NTRK2: variants seen among roughly 807,000 people sequenced by gnomAD.
NTRK2 encodes the protein neurotrophic receptor tyrosine kinase 2, also known as BDNF/NT-3 growth factors receptor.
Under a neutral mutation model 94.5 loss-of-function variants are expected in NTRK2, and 13 were observed. The ratio of observed to expected loss-of-function variants is 0.14; its 90% CI spans 0.09 to 0.22. NTRK2 has a LOEUF of 0.22. NTRK2 is among the 10% of genes least tolerant of loss of function. NTRK2 has a pLI of 1.00. For missense variants in NTRK2, 639 were observed against 1,071.2 expected, an observed-to-expected ratio of 0.60 and a Z score of 5.63; for synonymous variants, 372 against 407.4, an observed-to-expected ratio of 0.91 and a Z score of 1.05.
At chr9:84,862,210 G>C (rs1310982238) in intron 13 of NTRK2, among the ~76,000 whole-genome samples, 7 of 152,190 alleles carry the variant, frequency 4.6e-5, no homozygotes, top group Non-Finnish European at 1.0e-4. Flanking sequence ...AGGGCTTCTA[G>C]GCAGCTCCCT....
intron 10 of NTRK2, among the ~76,000 whole-genome samples, chr9:84,743,793 A>G (rs2063839873): frequency 6.6e-6 from 1 of 152,240 alleles, no homozygotes; most frequent in African/African-American, 2.4e-5. Flanking sequence ...ATGAAGAGGG[A>G]AAACTAAACA....
chr9:84,970,385 T>A (rs1037612950), intron 17 of NTRK2, among the ~76,000 whole-genome samples: 4 of 151,210 alleles, frequency 2.6e-5, no homozygotes, highest in Non-Finnish European at 5.9e-5. Context: ...AAATAAAAAA[T>A]AAATAAAAAT....
intron 12 of NTRK2, among the ~76,000 whole-genome samples, chr9:84,839,666 C>T (rs1483562139): frequency 2.6e-5 from 4 of 152,162 alleles, no homozygotes; most frequent in African/African-American, 7.2e-5. Flanking sequence ...GATTTCAGAG[C>T]CTCTAGCAGA....
intron 17 of NTRK2, among the ~76,000 whole-genome samples, chr9:84,968,362 T>G (rs1825801723): frequency 6.6e-6 from 1 of 152,182 alleles, no homozygotes; most frequent in African/African-American, 2.4e-5. Context: ...TCATAAAAGA[T>G]CCATCTAGGA....
At chr9:85,021,225 C>T in intron 18 of NTRK2, 27 bp from the exon 19 acceptor site, 2 of 1,608,208 alleles carry the variant, frequency 1.2e-6, no homozygotes, top group African/African-American at 2.7e-5. Flanking sequence ...TTCCTCCTGT[C>T]TCATCCTATC....
Position 84,783,397 on chromosome 9 carries a change from G to A in NTRK2, c.1396+31312G>A, listed in dbSNP as rs113518456. Among the ~76,000 whole-genome samples, 1,228 of 152,276 alleles carry A rather than the reference G, an allele frequency of 8.1e-3. 20 individuals are homozygous for A. Among genetic ancestry groups the A allele is most frequent in the East Asian group, 0.044 (227 of 5,190 alleles). ...TTGACTTGGCTCTGAATAATTCTCA[G>A]ACATTTCCTGAGTCAGATTCATCCC... On this transcript the variant is annotated intron_variant, in intron 12 of 18. Coordinates refer to ENST00000277120, the MANE Select transcript of NTRK2 (RefSeq NM_006180.6).
chr9:84,738,329 C>T (rs2063397305), intron 9 of NTRK2, among the ~76,000 whole-genome samples: 1 of 147,996 alleles, frequency 6.8e-6, no homozygotes. Context: ...TTTCTCATAG[C>T]TAGTGTTTGT....
intron 17 of NTRK2, among the ~76,000 whole-genome samples, chr9:84,983,410 T>C (rs908699071): frequency 2.0e-5 from 3 of 152,222 alleles, no homozygotes; most frequent in Non-Finnish European, 4.4e-5. Context: ...CCTTCCTCTT[T>C]GGGAATTCAG....
At chr9:84,801,482 G>C (rs2070444143) in intron 12 of NTRK2, among the ~76,000 whole-genome samples, 1 of 152,196 alleles carries the variant, frequency 6.6e-6, no homozygotes, top group African/African-American at 2.4e-5. Context: ...TGAGCATTCA[G>C]TAGAAAGTGG....
chr9:84,911,962 T>C (rs1480241638), intron 14 of NTRK2, among the ~76,000 whole-genome samples: 1 of 152,178 alleles, frequency 6.6e-6, no homozygotes, highest in Non-Finnish European at 1.5e-5. Flanking sequence ...TTCATTTAGC[T>C]CAATGCAATT....
intron 14 of NTRK2, among the ~76,000 whole-genome samples, chr9:84,907,182 T>C (rs893889834): frequency 6.6e-6 from 1 of 152,188 alleles, no homozygotes; most frequent in Non-Finnish European, 1.5e-5. Context: ...AACTAAACTT[T>C]ACTCCTATAG....
intron 17 of NTRK2, among the ~76,000 whole-genome samples, chr9:84,966,899 C>T (rs892204015): frequency 6.6e-6 from 1 of 152,060 alleles, no homozygotes; most frequent in Admixed American, 6.6e-5. Context: ...CAACCATGAC[C>T]CTTGACTTTC....
intron 2 of NTRK2, among the ~76,000 whole-genome samples, chr9:84,677,609 C>T (rs1435891094): frequency 2.0e-5 from 3 of 152,098 alleles, no homozygotes; most frequent in South Asian, 4.1e-4. Flanking sequence ...TTTGCCTGGG[C>T]CCCTTGGTAA....
chr9:84,887,717 G>A (rs940044741), intron 14 of NTRK2, among the ~76,000 whole-genome samples: 3 of 152,216 alleles, frequency 2.0e-5, no homozygotes, highest in African/African-American at 7.2e-5. Flanking sequence ...ACAGCAGATA[G>A]ACATCTCCAG....
chr9:84,904,912 A>G (rs2077028722), intron 14 of NTRK2, among the ~76,000 whole-genome samples: 1 of 152,168 alleles, frequency 6.6e-6, no homozygotes, highest in South Asian at 2.1e-4. Flanking sequence ...CTTTATACTA[A>G]TATTTTTCTT....
chr9:84,947,034 C>A (rs1402908014), intron 15 of NTRK2, among the ~76,000 whole-genome samples: 1 of 152,206 alleles, frequency 6.6e-6, no homozygotes, highest in Non-Finnish European at 1.5e-5. Flanking sequence ...TGGCTCCCTG[C>A]AACCTCTGCC....
intron 12 of NTRK2, among the ~76,000 whole-genome samples, chr9:84,820,153 T>C (rs1237074074): frequency 6.6e-6 from 1 of 150,840 alleles, no homozygotes; most frequent in Non-Finnish European, 1.5e-5. Context: ...AGCTTACTTT[T>C]TTTCTTTCTT....
chr9:84,898,402 A>G (rs2076823141), intron 14 of NTRK2, among the ~76,000 whole-genome samples: 1 of 152,210 alleles, frequency 6.6e-6, no homozygotes, highest in African/African-American at 2.4e-5. Flanking sequence ...TGTTCTTACT[A>G]TGTACATACT....
At chr9:84,810,681 G>A (rs894968305) in intron 12 of NTRK2, 2 of 1,599,972 alleles carry the variant, frequency 1.3e-6, no homozygotes, top group Non-Finnish European at 1.7e-6. Context: ...ATCCCGGGAA[G>A]TGCTGCTTAT....
Sources: gnomAD v4.1 joint callset for allele counts (sites outside exome capture counted in the v4.1 genomes callset) on GRCh38, gnomAD v4.1.1 for gene constraint, MANE v1.5 for transcripts, NCBI Gene and HGNC (gene_info 2026-07-23, HGNC 2026-07-21) for gene names.